The following OBSL1 variants were observed in gnomAD, a reference collection of about 807,000 sequenced individuals.
The protein encoded by OBSL1 is obscurin-like protein 1.
OBSL1 carries 160 observed loss-of-function variants against 172.0 expected under a neutral mutation model. The ratio of observed to expected loss-of-function variants is 0.93; its 90% confidence interval spans 0.82 to 1.06. OBSL1 has a LOEUF of 1.06. Ranked by LOEUF, OBSL1 falls within the 50% of genes least tolerant of loss-of-function variation. The pLI, the probability that OBSL1 is intolerant of heterozygous loss-of-function variation, is 0.00. For missense variants in OBSL1, 2,681 were observed against 2,715.4 expected (o/e 0.99, Z 0.28); for synonymous variants, 1,200 against 1,196.3 (o/e 1.00, Z -0.06).
At chr2:219,547,727 G>T, downstream of OBSL1, 1 of 1,586,444 alleles carries the variant, frequency 6.3e-7, no homozygotes, top group Non-Finnish European at 8.5e-7. Flanking sequence ...CCTGCTGCTC[G>T]CAGCTGCTGC....
downstream of OBSL1, chr2:219,549,900 C>G (rs200048422): frequency 1.0e-5 from 16 of 1,591,296 alleles, no homozygotes; most frequent in Non-Finnish European, 1.4e-5. Flanking sequence ...TCTGCCAGCT[C>G]GAGGAGGCCT....
In OBSL1 at chr2:219,551,807, AGGGGGCG is replaced by A; in HGVS notation, c.5414-16_5414-10del. 6.6e-7 allele frequency: 1 copy of A among 1,524,406 alleles called. No individual in the cohort carries two copies. Among genetic ancestry groups the A allele is most frequent in the Non-Finnish European group, 8.9e-7 (1 of 1,119,858 alleles). 94.4% of individuals were successfully genotyped at this position (1,524,406 alleles called of 1,614,324 possible). A position where few individuals can be genotyped will look rare whatever the true frequency, so the allele number is the denominator to read the frequency against. On this transcript the variant is annotated splice_polypyrimidine_tract_variant and intron_variant, in intron 19 of 20. Coordinates refer to ENST00000404537, the MANE Select transcript of OBSL1 (RefSeq NM_015311.3). ...CATCTGGAGAGGCAATGCTGGGGGT[AGGGGGCG>A]GGGGCTTAAGTTAATAGGGACACGC...
At chr2:219,547,537 C>T (rs368303123), downstream of OBSL1, 5 of 1,457,342 alleles carry the variant, frequency 3.4e-6, no homozygotes, top group South Asian at 1.6e-5. Flanking sequence ...TGCTCTTTCT[C>T]ACTGGGTTGC....
intron 5 of OBSL1, 128 bp downstream of exon 5, chr2:219,566,702 C>T (rs368926319): frequency 2.8e-6 from 3 of 1,063,360 alleles, no homozygotes; most frequent in East Asian, 2.5e-5. Flanking sequence ...TCAACCTCAG[C>T]CCATCATGGA....
rs775664438 is a variant in OBSL1, at chr2:219,553,629, G to C, written c.4934C>G (p.Thr1645Arg). 2 of 1,613,948 alleles carry C rather than the reference G, an allele frequency of 1.2e-6. No individual in the cohort carries two copies. Among genetic ancestry groups the C allele is most frequent in the South Asian group, 2.2e-5 (2 of 91,066 alleles). The part of the protein sequence containing the change: ...PHDLEVTEGD[T>R]ATFECELSQA... ...GGAAAGCTCGCACTCGAACGTAGCT[G>C]TGTCGCCCTCGGTCACCTCTAGGTC... The change falls in exon 16 of 21, where the codon ACA becomes AGA. Residue 1645 changes from threonine to arginine, a missense_variant. Coordinates refer to ENST00000404537, the MANE Select transcript of OBSL1 (RefSeq NM_015311.3).
chr2:219,570,427 A>T lies in OBSL1; in HGVS notation c.806T>A (p.Val269Glu). Residue 269 changes from valine (V) to glutamate (E), a missense_variant, in exon 1 of 21, where the codon GTG (valine) becomes GAG (glutamate). Val to Glu is a moderately radical substitution (Grantham distance 121). Transcript: ENST00000404537. ...GATCTCGGGCTCGGGCTTGCCCATC[A>T]CGTAGCAGCGGAACTTGGCGTGCTT... is the stretch of plus-strand genomic sequence containing the variant. Reference protein sequence around the residue: ...EGKHAKFRCYVMGKPEPEIEW... With the variant: ...EGKHAKFRCYEMGKPEPEIEW... 6.2e-7 allele frequency: 1 copy of T among 1,613,184 alleles called. No individual in the cohort carries two copies. The highest frequency in any genetic ancestry group is 1.1e-5 in the South Asian group (1 of 91,072).
downstream of OBSL1, chr2:219,550,136 G>C (rs1356902065): frequency 5.5e-6 from 2 of 360,840 alleles, no homozygotes. Context: ...TATGTGTGTG[G>C]GGGTGGGCAG....
intron 5 of OBSL1, among the ~76,000 whole-genome samples, 156 bp downstream of exon 5, chr2:219,566,674 T>C (rs952888224): frequency 3.3e-5 from 5 of 152,214 alleles, no homozygotes; most frequent in African/African-American, 1.2e-4. Flanking sequence ...GAAATTGGCC[T>C]TCCGGACCTC....
chr2:219,547,438 C>G, downstream of OBSL1: 2 of 1,292,806 alleles, frequency 1.5e-6, no homozygotes, highest in South Asian at 2.5e-5. Context: ...GTCCTTGACC[C>G]CTTGGACCTG....
chr2:219,552,768 C>G, intron 17 of OBSL1, 71 bp from the exon 18 acceptor site: 1 of 1,515,124 alleles, frequency 6.6e-7, no homozygotes, highest in Non-Finnish European at 8.9e-7. Flanking sequence ...CTCCACGCCC[C>G]CTTTCTAGAA....
At chr2:219,547,679 C>T (rs149628397), downstream of OBSL1, 15 of 1,551,834 alleles carry the variant, frequency 9.7e-6, no homozygotes, top group East Asian at 4.5e-5. Context: ...CATGCTAGTG[C>T]GCAGCGTGGG....
At chr2:219,552,437 C>T in intron 18 of OBSL1, 99 bp downstream of exon 18, 1 of 1,270,872 alleles carries the variant, frequency 7.9e-7, no homozygotes, top group Non-Finnish European at 1.1e-6. Flanking sequence ...GGGGCGGGGC[C>T]CGTCGGAGCC....
chr2:219,549,131 T>C (rs201188272), downstream of OBSL1: 195 of 1,613,380 alleles, frequency 1.2e-4, no homozygotes, highest in Non-Finnish European at 1.6e-4. Flanking sequence ...CTGAGCTCCT[T>C]CTCTACCCAT....
In OBSL1 at chr2:219,557,483, A is replaced by T; in HGVS notation, c.3926T>A (p.Leu1309Gln). The T allele has an allele frequency of 6.4e-7, 1 of 1,552,736 alleles. No homozygotes were observed. The highest frequency in any genetic ancestry group is 8.7e-7 in the Non-Finnish European group (1 of 1,148,878). Residue 1309 changes from leucine (L) to glutamine (Q), a missense_variant, in exon 12 of 21, where the codon CTG becomes CAG. By Grantham distance (113) the Leu-to-Gln change is moderately radical. Transcript: ENST00000404537. ...CAGCTGCACCCGCCCCTGGCTTGCCAGTCGCTCCCCGTCCTTGTACCAGCG... is the reference window on the plus strand; with the variant it reads ...CAGCTGCACCCGCCCCTGGCTTGCCTGTCGCTCCCCGTCCTTGTACCAGCG... ...PVRWYKDGER[L>Q]ASQGRVQLEQ...
chr2:219,562,339 G>A, intron 8 of OBSL1, 63 bp downstream of exon 8: 1 of 1,572,174 alleles, frequency 6.4e-7, no homozygotes, highest in Non-Finnish European at 8.7e-7. Flanking sequence ...GGGGCTATGT[G>A]GCCAGCTCCT....
At position 219,570,518 on chromosome 2, in the gene OBSL1, C is replaced by T. The variant is rs2106115186; in HGVS notation, c.715G>A (p.Glu239Lys). 18 of 1,609,718 alleles carry T rather than the reference C, an allele frequency of 1.1e-5. No individual in the cohort carries two copies. The highest frequency in any genetic ancestry group is 1.4e-5 in the Non-Finnish European group (17 of 1,178,522). Residue 239 changes from glutamate to lysine, a missense_variant, in exon 1 of 21, where the codon GAG (glutamate) becomes AAG (lysine). Physicochemically the swap from Glu to Lys is moderately conservative, Grantham distance 56. This residue lies in a region of OBSL1 where 706 missense variants were observed against 695.8 expected (regional missense o/e 1.01). Transcript: ENST00000404537. ...PPESPPADPD[E>K]APAPVVEPLK... is the part of the protein sequence containing the mutation. ...GGCTCCACCACCGGCGCGGGGGCCT[C>T]GTCGGGGTCCGCGGGCGGGCTCTCG... is the stretch of plus-strand genomic sequence containing the variant.
intron 19 of OBSL1, 149 bp from the exon 20 acceptor site, chr2:219,551,947 C>T (rs1283434683): frequency 1.4e-5 from 13 of 907,730 alleles, no homozygotes; most frequent in Non-Finnish European, 2.0e-5. Context: ...CCAAAGTCTC[C>T]TCTTGCCGGG....
At chr2:219,552,058 A>C (rs1574516377) in intron 19 of OBSL1, 54 bp downstream of exon 19, 1 of 1,498,070 alleles carries the variant, frequency 6.7e-7, no homozygotes, top group East Asian at 2.4e-5. Flanking sequence ...CGTCAGTCCC[A>C]TGGCAGGAGA....
At position 219,551,797 on chromosome 2, in the gene OBSL1, TGCTGGGGGTAGGGGGCGGGG is replaced by T. The variant is rs1695627799; in HGVS notation, c.5414-19_5414del. 2 of 1,567,688 alleles carry T rather than the reference TGCTGGGGGTAGGGGGCGGGG, an allele frequency of 1.3e-6. No individual in the cohort carries two copies. The highest frequency in any genetic ancestry group is 2.7e-5 in the African/African-American group (2 of 74,202). On this transcript the variant is annotated splice_acceptor_variant and splice_polypyrimidine_tract_variant and coding_sequence_variant and intron_variant, in exon 20 of 21. Coordinates refer to ENST00000404537, the MANE Select transcript of OBSL1 (RefSeq NM_015311.3). LOFTEE classifies it high-confidence loss of function. The stretch of plus-strand genomic sequence containing the variant: ...GGTGGCGGCACATCTGGAGAGGCAA[TGCTGGGGGTAGGGGGCGGGG>T]GCTTAAGTTAATAGGGACACGCATG...
Sources: gnomAD v4.1 joint callset for allele counts (sites outside exome capture counted in the v4.1 genomes callset) on GRCh38, gnomAD v4.1.1 for gene constraint, gnomAD v4.1.1 regional missense constraint, MANE v1.5 for transcripts, NCBI Gene and HGNC (gene_info 2026-07-23, HGNC 2026-07-21) for gene names.